The following ENTPD1 variants were observed in gnomAD, a reference collection of about 807,000 sequenced individuals.
ENTPD1 encodes ATP diphosphohydrolase.
ENTPD1 carries 33 observed loss-of-function variants against 57.0 expected under a neutral mutation model. That is an observed-to-expected ratio of 0.58 (90% CI 0.44 to 0.77). The LOEUF (loss-of-function observed/expected upper bound fraction) is 0.77. Ranked by LOEUF, ENTPD1 falls within the 30% of genes least tolerant of loss-of-function variation. The probability of loss-of-function intolerance (pLI) is 0.00; values close to 1 mark genes in which losing one functional copy is unlikely to be tolerated. For missense variants in ENTPD1, 501 were observed against 603.4 expected, an observed-to-expected ratio of 0.83 and a Z score of 1.78; for synonymous variants, 202 against 218.8, an observed-to-expected ratio of 0.92 and a Z score of 0.68.
chr10:95,782,186 C>T (rs900007002), intron 1 of ENTPD1, among the ~76,000 whole-genome samples: 2 of 152,228 alleles, frequency 1.3e-5, no homozygotes, highest in African/African-American at 4.8e-5. Context: ...TTGACTTTCA[C>T]CACCTTGTTT....
rs1045001379 is a variant in ENTPD1 at position 95,877,103 on chromosome 10, T to C, written c.*10720T>C. ...CCTCTTTAAATTACAAAGTTAAAAT[T>C]TGGGAGTAGTAGAAAATCAATTGGT... On this transcript the variant is annotated 3_prime_UTR_variant, in exon 10 of 10. Coordinates refer to ENST00000371205, the MANE Select transcript of ENTPD1 (RefSeq NM_001776.6). Among the ~76,000 whole-genome samples the C allele has an allele frequency of 2.6e-5, 4 of 152,200 alleles. No homozygotes were observed. The highest frequency in any genetic ancestry group is 4.4e-5 in the Non-Finnish European group (3 of 68,040).
In ENTPD1 at chr10:95,873,020, T is replaced by C. The variant is rs1430111801; in HGVS notation, c.*6637T>C. On this transcript the variant is annotated 3_prime_UTR_variant, in exon 10 of 10. Transcript: ENST00000371205. ...CATGCATCTCAAAATTTAATGTACA[T>C]ACAAATTACCCAGGGATTTTGTTGA... 2 of 975,332 alleles carry C rather than the reference T, an allele frequency of 2.1e-6. No homozygotes were observed. Among genetic ancestry groups the C allele is most frequent in the Non-Finnish European group, 2.4e-6 (2 of 820,956 alleles). The allele number at this position is 975,332 out of a possible 1,614,324, so 60.4% of individuals were successfully genotyped here.
chr10:95,735,051 A>G (rs1266581496), intron 1 of ENTPD1, among the ~76,000 whole-genome samples: 4 of 138,568 alleles, frequency 2.9e-5, no homozygotes, highest in Non-Finnish European at 4.6e-5. Context: ...TTTTTTTTAG[A>G]CAGAGTCTTG....
chr10:95,841,796 G>A (rs538686911), intron 3 of ENTPD1, among the ~76,000 whole-genome samples: 1 of 152,254 alleles, frequency 6.6e-6, no homozygotes, highest in East Asian at 1.9e-4. Context: ...GCAGGATATC[G>A]GAGTGGAAAA....
upstream of ENTPD1, among the ~76,000 whole-genome samples, chr10:95,711,142 A>G (rs2097965205): frequency 6.6e-6 from 1 of 152,016 alleles, no homozygotes; most frequent in Middle Eastern, 3.2e-3. Flanking sequence ...ACCTAAAAAT[A>G]TCACTTTAAC....
Position 95,869,697 on chromosome 10 carries a change from T to C in ENTPD1, c.*3314T>C. The C allele has an allele frequency of 1.0e-6, 1 of 956,788 alleles. No individual in the cohort carries two copies. Among genetic ancestry groups the C allele is most frequent in the Non-Finnish European group, 1.2e-6 (1 of 803,808 alleles). The allele number at this position is 956,788 out of a possible 1,614,324, so 59.3% of individuals were successfully genotyped here. On this transcript the variant is annotated 3_prime_UTR_variant, in exon 10 of 10. Coordinates refer to ENST00000371205, the MANE Select transcript of ENTPD1 (RefSeq NM_001776.6). ...TAAAATTTTTTAAAATTACACTTCA[T>C]TTTAATGTTGTATCAGTCAAGGTCC... is the stretch of plus-strand genomic sequence containing the variant.
At chr10:95,839,445 T>C in intron 2 of ENTPD1, 2 of 520,860 alleles carry the variant, frequency 3.8e-6, no homozygotes, top group Non-Finnish European at 3.5e-6. Context: ...CAATACTGCT[T>C]CTTGGGCCCT....
intron 7 of ENTPD1, among the ~76,000 whole-genome samples, chr10:95,850,723 G>C (rs2098443589): frequency 6.6e-6 from 1 of 152,192 alleles, no homozygotes; most frequent in Non-Finnish European, 1.5e-5. Flanking sequence ...CCTTAAAAAG[G>C]TTAGGTCTTT....
chr10:95,804,297 C>T (rs10786237), intron 1 of ENTPD1, among the ~76,000 whole-genome samples: 102,361 of 151,550 alleles, frequency 0.68, 34,945 homozygotes, highest in Admixed American at 0.74. Flanking sequence ...CCTTGGGCAG[C>T]ATTGATTCTT....
upstream of ENTPD1, among the ~76,000 whole-genome samples, chr10:95,708,785 C>A (rs2097963521): frequency 6.6e-6 from 1 of 152,136 alleles, no homozygotes; most frequent in Admixed American, 6.5e-5. Flanking sequence ...AAAAAAGGCA[C>A]ATTTAAACTC....
intron 1 of ENTPD1, among the ~76,000 whole-genome samples, chr10:95,747,682 T>C (rs2098007554): frequency 6.6e-6 from 1 of 152,190 alleles, no homozygotes; most frequent in Admixed American, 6.5e-5. Context: ...ACATTGTGTA[T>C]GGTCCTTCCT....
chr10:95,694,420 T>TA, the ENTPD1 span, among the ~76,000 whole-genome samples: 1 of 101,856 alleles, frequency 9.8e-6, no homozygotes, highest in Admixed American at 8.5e-5. Flanking sequence ...TATGGCTTTT[T>TA]TAAAAAAAAA....
chr10:95,749,660 C>T (rs188430768), intron 1 of ENTPD1, among the ~76,000 whole-genome samples: 3 of 152,160 alleles, frequency 2.0e-5, no homozygotes, highest in African/African-American at 7.2e-5. Context: ...TTCGGGAGGA[C>T]AGCATTCCAG....
Position 95,845,444 on chromosome 10 carries a change from G to A in ENTPD1, c.661G>A (p.Val221Ile), listed in dbSNP as rs2140861515. ...ALDLGGASTQ[V>I]TFVPQNQTIE... ...GGACCTTGGGGGAGCCTCTACACAAGTCACTTTTGTACCCCAAAACCAGAC... is the reference window on the plus strand; with the variant it reads ...GGACCTTGGGGGAGCCTCTACACAAATCACTTTTGTACCCCAAAACCAGAC... The change falls in exon 6 of 10, where the codon GTC becomes ATC. Residue 221 changes from valine (V) to isoleucine (I), a missense_variant. Val to Ile is a conservative substitution (Grantham distance 29). Transcript: ENST00000371205. The A allele has an allele frequency of 6.2e-7, 1 of 1,614,158 alleles. No individual in the cohort carries two copies. The highest frequency in any genetic ancestry group is 8.5e-7 in the Non-Finnish European group (1 of 1,180,022).
At chr10:95,702,736 T>C in the ENTPD1 span, among the ~76,000 whole-genome samples, 1 of 152,184 alleles carries the variant, frequency 6.6e-6, no homozygotes, top group African/African-American at 2.4e-5. Context: ...AGAAAATCTT[T>C]AAAATGTATA....
chr10:95,729,463 G>A (rs1307262049), intron 1 of ENTPD1, among the ~76,000 whole-genome samples: 5 of 152,218 alleles, frequency 3.3e-5, no homozygotes, highest in Admixed American at 1.3e-4. Flanking sequence ...TCAGGATGGT[G>A]TCAAAATGGA....
intron 1 of ENTPD1, among the ~76,000 whole-genome samples, chr10:95,804,966 T>C (rs1365722154): frequency 4.6e-5 from 7 of 152,220 alleles, no homozygotes; most frequent in Non-Finnish European, 7.3e-5. Flanking sequence ...GTATAGTCTG[T>C]TGATTTGGGA....
At chr10:95,708,466 C>A (rs1210755684), upstream of ENTPD1, among the ~76,000 whole-genome samples, 4 of 152,194 alleles carry the variant, frequency 2.6e-5, no homozygotes, top group South Asian at 2.1e-4. Flanking sequence ...CCTGCCTCAG[C>A]CTCCCAAAGT....
At chr10:95,836,554 C>G (rs2098410206) in intron 2 of ENTPD1, among the ~76,000 whole-genome samples, 1 of 152,016 alleles carries the variant, frequency 6.6e-6, no homozygotes, top group Non-Finnish European at 1.5e-5. Context: ...TCCTTACCAC[C>G]TAAATCTTAC....
Sources: gnomAD v4.1 joint callset for allele counts (sites outside exome capture counted in the v4.1 genomes callset) on GRCh38, gnomAD v4.1.1 for gene constraint, MANE v1.5 for transcripts, NCBI Gene and HGNC (gene_info 2026-07-23, HGNC 2026-07-21) for gene names.